The following CFTR variants were observed in gnomAD, a reference collection of about 807,000 sequenced individuals.
The protein encoded by CFTR is cystic fibrosis transmembrane conductance regulator.
Under a neutral mutation model 171.6 loss-of-function variants are expected in CFTR, and 181 were observed. That is an observed-to-expected ratio of 1.05 (90% CI 0.93 to 1.19). CFTR has a LOEUF of 1.19. Ranked by LOEUF, CFTR falls within the 50% of genes most tolerant of loss-of-function variation. The pLI is 0.00. For synonymous variants in CFTR, 583 were observed against 608.0 expected (o/e 0.96, Z 0.60); for missense variants, 1,968 against 1,734.7 (o/e 1.13, Z -2.39).
chr7:117,616,126 C>G (rs1244269846), intron 21 of CFTR: 1 of 152,036 alleles, frequency 6.6e-6, no homozygotes, highest in Non-Finnish European at 1.5e-5. Flanking sequence ...TTTTAATGCT[C>G]TCTTCTGGTT....
chr7:117,554,703 A>T (rs1454587125), intron 10 of CFTR, among the ~76,000 whole-genome samples: 1 of 152,148 alleles, frequency 6.6e-6, no homozygotes, highest in African/African-American at 2.4e-5. Context: ...GTCTGAGAAG[A>T]CAAAGCTAGT....
At position 117,540,132 on chromosome 7, in the gene CFTR, A is replaced by G. The variant is rs150691494; in HGVS notation, c.902A>G (p.Tyr301Cys). Residue 301 changes from tyrosine to cysteine, a missense_variant, in exon 8 of 27, where the codon TAT (tyrosine) becomes TGT (cysteine). Transcript: ENST00000003084. ...TELKLTRKAA[Y>C]VRYFNSSAFF... ...CTGAAACTGACTCGGAAGGCAGCCTATGTGAGATACTTCAATAGCTCAGCC... is the reference window on the plus strand; with the variant it reads ...CTGAAACTGACTCGGAAGGCAGCCTGTGTGAGATACTTCAATAGCTCAGCC... The G allele has an allele frequency of 2.0e-4, 324 of 1,613,246 alleles. No individual in the cohort carries two copies. The highest frequency in any genetic ancestry group is 9.9e-4 in the Middle Eastern group (6 of 6,084).
intron 10 of CFTR, among the ~76,000 whole-genome samples, chr7:117,556,875 A>G (rs1799370439): frequency 6.6e-6 from 1 of 152,084 alleles, no homozygotes. Flanking sequence ...TTTCTTCCTG[A>G]TTAGGTTTCT....
intron 11 of CFTR, among the ~76,000 whole-genome samples, chr7:117,566,648 C>T (rs1384585558): frequency 6.6e-6 from 1 of 151,240 alleles, no homozygotes; most frequent in Non-Finnish European, 1.5e-5. Flanking sequence ...AATGCCATAG[C>T]ATTTTGTAAA....
rs1262031505 is a variant in CFTR at position 117,581,046 on chromosome 7, T to C, written c.1585-6693T>C. ...ATCCTCCCTCAATTCGTTTATAAGG[T>C]AATAAGATGAATAAAAATATCATAG... On this transcript the variant is annotated intron_variant, in intron 11 of 26. Coordinates refer to ENST00000003084, the MANE Select transcript of CFTR (RefSeq NM_000492.4). 2.0e-5 allele frequency among the ~76,000 whole-genome samples: 3 copies of C among 152,062 alleles called. No homozygotes were observed. In the East Asian group the frequency reaches 5.8e-4, roughly 29 times the overall value.
rs761271867 is a variant in CFTR at position 117,664,822 on chromosome 7, C to T, written c.4098C>T (p.Ile1366=). The change falls in exon 25 of 27, where the codon ATC becomes ATT. Residue 1366 remains isoleucine (I), a synonymous_variant. Transcript: ENST00000003084. ...GATCTGTTCTCAGTAAGGCGAAGAT[C>T]TTGCTGCTTGATGAACCCAGTGCTC... is the stretch of plus-strand genomic sequence containing the variant. ...LARSVLSKAK[I]LLLDEPSAHL... is the part of the protein sequence containing the mutation. 1.2e-6 allele frequency: 2 copies of T among 1,614,036 alleles called. No homozygotes were observed. The highest frequency in any genetic ancestry group is 2.7e-5 in the African/African-American group (2 of 75,022).
chr7:117,523,524 C>T (rs1345581967), intron 3 of CFTR, among the ~76,000 whole-genome samples: 1 of 152,030 alleles, frequency 6.6e-6, no homozygotes, highest in African/African-American at 2.4e-5. Context: ...CTACAGGCGC[C>T]CGCCTCCACG....
At chr7:117,650,057 G>A (rs1348201872) in intron 23 of CFTR, among the ~76,000 whole-genome samples, 1 of 152,050 alleles carries the variant, frequency 6.6e-6, no homozygotes, top group Non-Finnish European at 1.5e-5. Context: ...CACTAAATGA[G>A]TCAGAGAAGT....
intron 14 of CFTR, 137 bp downstream of exon 14, chr7:117,592,794 T>G: frequency 1.5e-6 from 1 of 652,668 alleles, no homozygotes; most frequent in Non-Finnish European, 2.2e-6. Flanking sequence ...AGTATGAAGT[T>G]CATTAATTAT....
chr7:117,633,392 A>C (rs1172294764), intron 22 of CFTR, among the ~76,000 whole-genome samples: 1 of 152,130 alleles, frequency 6.6e-6, no homozygotes, highest in Non-Finnish European at 1.5e-5. Context: ...AATTATTGAT[A>C]GTTTCAAGGA....
At chr7:117,486,852 GA>G (rs1453368436) in intron 1 of CFTR, among the ~76,000 whole-genome samples, 1 of 145,902 alleles carries the variant, frequency 6.9e-6, no homozygotes, top group African/African-American at 2.5e-5. Flanking sequence ...TGAGCTGAAA[GA>G]GTGGCCATGG....
intron 2 of CFTR, among the ~76,000 whole-genome samples, chr7:117,504,968 G>A (rs964309606): frequency 2.6e-5 from 4 of 152,150 alleles, no homozygotes; most frequent in Middle Eastern, 3.4e-3. Flanking sequence ...GAAGTAAATC[G>A]TGTATATTTG....
chr7:117,511,258 C>T (rs1395906660), intron 3 of CFTR, among the ~76,000 whole-genome samples: 1 of 152,066 alleles, frequency 6.6e-6, no homozygotes, highest in East Asian at 1.9e-4. Flanking sequence ...CTTACTTATA[C>T]CTGGGGGAGG....
intron 6 of CFTR, 114 bp downstream of exon 6, chr7:117,535,525 ATTTTTTT>A (rs764945997): frequency 3.8e-5 from 19 of 500,390 alleles, no homozygotes; most frequent in Non-Finnish European, 4.7e-5. Flanking sequence ...GTGTCATTAA[ATTTTTTT>A]TTTTTTTTTT....
intron 22 of CFTR, among the ~76,000 whole-genome samples, chr7:117,634,304 T>C (rs1792793964): frequency 6.6e-6 from 1 of 152,128 alleles, no homozygotes; most frequent in Non-Finnish European, 1.5e-5. Flanking sequence ...ATCCTTTTAA[T>C]GTGCAAGGGA....
chr7:117,648,584 A>G (rs771000278), intron 23 of CFTR, among the ~76,000 whole-genome samples: 6 of 152,162 alleles, frequency 3.9e-5, no homozygotes, highest in Non-Finnish European at 7.3e-5. Flanking sequence ...ATAAAGGGCC[A>G]TTGTGTGATT....
At position 117,522,387 on chromosome 7, in the gene CFTR, G is replaced by A. The variant is rs975849458; in HGVS notation, c.274-8512G>A. 1.8e-4 allele frequency among the ~76,000 whole-genome samples: 28 copies of A among 152,286 alleles called. No individual in the cohort carries two copies. In the South Asian group the frequency reaches 2.7e-3, roughly 15 times the overall value. The stretch of plus-strand genomic sequence containing the variant: ...ATCAGTGAGGAAAACTGTCCAGAGC[G>A]CGGAAGAGACTAAAATAACACAGCC... On this transcript the variant is annotated intron_variant, in intron 3 of 26. Transcript: ENST00000003084.
chr7:117,592,575 C>T lies in CFTR; in HGVS notation c.2408C>T (p.Thr803Ile). 2 of 1,524,148 alleles carry T rather than the reference C, an allele frequency of 1.3e-6. No homozygotes were observed. Among genetic ancestry groups the T allele is most frequent in the South Asian group, 2.7e-5 (2 of 74,092 alleles). The allele number at this position is 1,524,148 out of a possible 1,614,324, so 94.4% of individuals were successfully genotyped here. ...TCACTGGCCCCTCAGGCAAACTTGACTGAACTGGATATATATTCAAGAAGG... is the reference window on the plus strand; with the variant it reads ...TCACTGGCCCCTCAGGCAAACTTGATTGAACTGGATATATATTCAAGAAGG... ...KVSLAPQANLTELDIYSRRLS... is the reference protein window; with the variant it reads ...KVSLAPQANLIELDIYSRRLS... The change falls in exon 14 of 27, where the codon ACT becomes ATT. Residue 803 changes from threonine (T) to isoleucine (I), a missense_variant. Physicochemically the swap from Thr to Ile is moderately conservative, Grantham distance 89 (BLOSUM62 -1). Transcript: ENST00000003084.
At chr7:117,600,489 T>A (rs1792206991) in intron 15 of CFTR, among the ~76,000 whole-genome samples, 2 of 152,048 alleles carry the variant, frequency 1.3e-5, no homozygotes, top group Admixed American at 1.3e-4. Context: ...AACTGCTGTA[T>A]CCTGTTTCTT....
Sources: gnomAD v4.1 joint callset for allele counts (sites outside exome capture counted in the v4.1 genomes callset) on GRCh38, gnomAD v4.1.1 for gene constraint, MANE v1.5 for transcripts, NCBI Gene and HGNC (gene_info 2026-07-23, HGNC 2026-07-21) for gene names.